The following KDR variants were observed in gnomAD, a reference collection of about 807,000 sequenced individuals.
KDR encodes the protein vascular endothelial growth factor receptor 2.
Under a neutral mutation model 160.9 loss-of-function variants are expected in KDR, and 43 were observed. The observed-to-expected ratio is 0.27, with a 90% confidence interval of 0.21 to 0.34. The LOEUF is 0.34. Ranked by LOEUF, KDR falls within the 10% of genes least tolerant of loss-of-function variation. KDR has a pLI of 1.00. For synonymous variants in KDR, 617 were observed against 600.1 expected (o/e 1.03, Z -0.41); for missense variants, 1,469 against 1,666.4 (o/e 0.88, Z 2.06).
chr4:55,097,526 C>A, intron 18 of KDR, 136 bp downstream of exon 18: 1 of 656,662 alleles, frequency 1.5e-6, no homozygotes. Context: ...CCAATTTGCA[C>A]AAGGGCATTA....
At chr4:55,090,125 C>T in intron 22 of KDR, 47 bp from the exon 23 acceptor site, 1 of 1,610,608 alleles carries the variant, frequency 6.2e-7, no homozygotes. Context: ...CAGCTGATCT[C>T]TTTCACATCT....
chr4:55,108,499 G>A (rs1257953459), intron 9 of KDR, among the ~76,000 whole-genome samples: 5 of 152,080 alleles, frequency 3.3e-5, no homozygotes, highest in Admixed American at 6.5e-5. Context: ...AGCTTTATAC[G>A]TGAGAAAAAA....
chr4:55,098,370 C>A, intron 16 of KDR, 98 bp from the exon 17 acceptor site: 2 of 1,401,074 alleles, frequency 1.4e-6, no homozygotes, highest in Non-Finnish European at 2.0e-6. Flanking sequence ...ATTCCTGTCT[C>A]ATTTTCCAAT....
At chr4:55,112,687 C>T (rs1297929781) in intron 7 of KDR, among the ~76,000 whole-genome samples, 1 of 152,032 alleles carries the variant, frequency 6.6e-6, no homozygotes, top group African/African-American at 2.4e-5. Flanking sequence ...CACCACCACA[C>T]CAGGCTAATT....
At chr4:55,121,217 T>C (rs761959024) in intron 1 of KDR, 27 bp from the exon 2 acceptor site, 1 of 1,539,694 alleles carries the variant, frequency 6.5e-7, no homozygotes, top group Admixed American at 1.7e-5. Flanking sequence ...TAAATGAATG[T>C]AGTTGCCACT....
In KDR at chr4:55,107,773, T is replaced by C. The variant is rs1228182220; in HGVS notation, c.1376A>G (p.Tyr459Cys). The change falls in exon 10 of 30, where the codon TAT (tyrosine) becomes TGT (cysteine). Residue 459 changes from tyrosine to cysteine, a missense_variant. By Grantham distance (194) the Tyr-to-Cys change is radical (BLOSUM62 -2). Transcript: ENST00000263923. ...AIPPPHHIHW[Y>C]WQLEEECANE... ...GGCGCACTCTTCCTCCAACTGCCAA[T>C]ACCAGTGGATGTGATGCGGGGGAGG... The C allele has an allele frequency of 6.2e-7, 1 of 1,613,936 alleles. No individual in the cohort carries two copies. Among genetic ancestry groups the C allele is most frequent in the Non-Finnish European group, 8.5e-7 (1 of 1,179,898 alleles).
In KDR at chr4:55,106,674, A is replaced by G; in HGVS notation, c.1536+13T>C. The G allele has an allele frequency of 3.3e-6, 5 of 1,524,744 alleles. No individual in the cohort carries two copies. The highest frequency in any genetic ancestry group is 1.7e-5 in the Admixed American group (1 of 59,836). 94.5% of individuals were successfully genotyped at this position (1,524,744 alleles called of 1,614,324 possible). A position where few individuals can be genotyped will look rare whatever the true frequency, so the allele number is the denominator to read the frequency against. On this transcript the variant is annotated intron_variant, in intron 11 of 29. Coordinates refer to ENST00000263923, the MANE Select transcript of KDR (RefSeq NM_002253.4). ...GAGAGAGAGATTTTCAAATTTTAAA[A>G]CTTCAAACTCACTTTGTTTTTTCCT...
At chr4:55,095,471 T>A (rs1578130867) in intron 20 of KDR, 106 bp downstream of exon 20, 1 of 791,540 alleles carries the variant, frequency 1.3e-6, no homozygotes, top group East Asian at 2.5e-5. Flanking sequence ...ATGAGAAGAT[T>A]CCTCACAAGT....
rs113199613 is a variant in KDR at position 55,109,993 on chromosome 4, A to G, written c.1255+410T>C. Among the ~76,000 whole-genome samples, 1,044 of 152,276 alleles carry G rather than the reference A, an allele frequency of 6.9e-3. 15 individuals are homozygous for G. The highest frequency in any genetic ancestry group is 0.024 in the African/African-American group (1,000 of 41,570). ...CGTGCCTGCACATCTCTGATACATC[A>G]ACTACAACATCAAACTAGAAGCTTT... On this transcript the variant is annotated intron_variant, in intron 9 of 29. Coordinates refer to ENST00000263923, the MANE Select transcript of KDR (RefSeq NM_002253.4).
At position 55,102,306 on chromosome 4, in the gene KDR, G is replaced by T. The variant is rs905203251; in HGVS notation, c.2134+56C>A. ...CATCAAGAAATAATATGGCTTTTTA[G>T]ATAACATCCCTGGGAAAGTTCTGCA... On this transcript the variant is annotated intron_variant, in intron 14 of 29. Transcript: ENST00000263923. 14 of 1,572,488 alleles carry T rather than the reference G, an allele frequency of 8.9e-6. No individual in the cohort carries two copies. In the African/African-American group the frequency reaches 1.6e-4, roughly 18 times the overall value.
At position 55,104,632 on chromosome 4, in the gene KDR, T is replaced by C; in HGVS notation, c.1987+11A>G. 6.2e-7 allele frequency: 1 copy of C among 1,609,310 alleles called. No individual in the cohort carries two copies. The highest frequency in any genetic ancestry group is 8.5e-7 in the Non-Finnish European group (1 of 1,176,352). ...CTGCCTCTGCACAATGATCCAGAAT[T>C]GTCTCCCTACCTAGGACTGTGAGCT... is the stretch of plus-strand genomic sequence containing the variant. On this transcript the variant is annotated intron_variant, in intron 13 of 29. Coordinates refer to ENST00000263923, the MANE Select transcript of KDR (RefSeq NM_002253.4).
chr4:55,119,825 C>T (rs887914285), intron 2 of KDR, among the ~76,000 whole-genome samples: 11 of 152,064 alleles, frequency 7.2e-5, no homozygotes, highest in Non-Finnish European at 1.6e-4. Context: ...CTCTACAAGG[C>T]CCCAAGGAAG....
rs75611332 is a variant in KDR, at chr4:55,096,446, T to C, written c.2615-104A>G. On this transcript the variant is annotated intron_variant, in intron 18 of 29. Coordinates refer to ENST00000263923, the MANE Select transcript of KDR (RefSeq NM_002253.4). The stretch of plus-strand genomic sequence containing the variant: ...CCACTATACAACTTACCCTCCGGGG[T>C]AACACAGCTGTGACCTAGTTTACAG... 800 of 775,196 alleles carry C rather than the reference T, an allele frequency of 1.0e-3. 3 individuals are homozygous for C. In the African/African-American group the frequency reaches 0.012, roughly 12 times the overall value. 48.0% of individuals were successfully genotyped at this position (775,196 alleles called of 1,614,324 possible).
rs779638944 is a variant in KDR at position 55,094,845 on chromosome 4, T to C, written c.2928A>G (p.Gly976=). 1.9e-6 allele frequency: 3 copies of C among 1,613,888 alleles called. No homozygotes were observed. Among genetic ancestry groups the C allele is most frequent in the Non-Finnish European group, 2.5e-6 (3 of 1,179,862 alleles). The change falls in exon 21 of 30, where the codon GGA becomes GGG. Residue 976 remains glycine (G), a synonymous_variant. Transcript: ENST00000263923. The part of the protein sequence containing the change: ...ITSSQSSASS[G]FVEEKSLSDV... ...CACTGAGGGACTTCTCCTCCACAAA[T>C]CCAGAGCTGGCTGAGCTCTGGCTAC... is the stretch of plus-strand genomic sequence containing the variant.
intron 29 of KDR, among the ~76,000 whole-genome samples, chr4:55,080,677 T>C (rs914163560): frequency 6.6e-6 from 1 of 152,174 alleles, no homozygotes. Context: ...AAGCCAGACA[T>C]ATCAAACGCT....
At chr4:55,089,517 C>T in intron 24 of KDR, 44 bp from the exon 25 acceptor site, 1 of 1,503,424 alleles carries the variant, frequency 6.7e-7, no homozygotes, top group Middle Eastern at 1.7e-4. Flanking sequence ...TTGATTTTCT[C>T]TTATAGAAAA....
rs1720645494 is a variant in KDR at position 55,113,393 on chromosome 4, C to T, written c.887G>A (p.Gly296Asp). The change falls in exon 7 of 30, where the codon GGT becomes GAT. Residue 296 changes from glycine (G) to aspartate (D), a missense_variant. This residue lies in a region of KDR where 792 missense variants were observed against 840.9 expected (regional missense o/e 0.94). Coordinates refer to ENST00000263923, the MANE Select transcript of KDR (RefSeq NM_002253.4). Reference protein sequence around the residue: ...KKFLSTLTIDGVTRSDQGLYT... With the variant: ...KKFLSTLTIDDVTRSDQGLYT... ...CAATCCTTGGTCACTCCGGGTTACA[C>T]CATCTATAGTTAAGGTGCTCAAAAA... 4 of 1,614,022 alleles carry T rather than the reference C, an allele frequency of 2.5e-6. No individual in the cohort carries two copies. The highest frequency in any genetic ancestry group is 2.2e-5 in the East Asian group (1 of 44,874).
intron 2 of KDR, among the ~76,000 whole-genome samples, chr4:55,120,539 C>G (rs751374569): frequency 6.6e-6 from 1 of 152,004 alleles, no homozygotes; most frequent in Non-Finnish European, 1.5e-5. Context: ...AAGGCAGGGC[C>G]CGAAGTCCAT....
Position 55,114,221 on chromosome 4 carries a change from C to A in KDR, c.703G>T (p.Glu235Ter). The part of the protein sequence containing the change: ...DVVLSPSHGI[E>*]LSVGEKLVLN... ...ACAAGCTTTTCTCCAACAGATAGTT[C>A]AATTCCATGAGACGGACTCAGAACC... The change falls in exon 6 of 30, where the codon GAA (glutamate) becomes TAA (stop). Residue 235 changes from glutamate (E) to a stop codon, truncating the protein, a stop_gained. Transcript: ENST00000263923. LOFTEE classifies it high-confidence loss of function. 6.2e-7 allele frequency: 1 copy of A among 1,613,938 alleles called. No homozygotes were observed. The highest frequency in any genetic ancestry group is 1.1e-5 in the South Asian group (1 of 91,066).
Sources: allele counts gnomAD v4.1 joint callset (sites outside exome capture counted in the v4.1 genomes callset), GRCh38; gene constraint gnomAD v4.1.1; regional missense constraint gnomAD v4.1.1; transcripts MANE v1.5; gene names NCBI Gene and HGNC (gene_info 2026-07-23, HGNC 2026-07-21).